The following PPP2R2A variants were observed in gnomAD, a reference collection of about 807,000 sequenced individuals.
PPP2R2A encodes the protein protein phosphatase 2 regulatory subunit Balpha, also known as serine/threonine-protein phosphatase 2A 55 kDa regulatory subunit B alpha isoform.
In PPP2R2A, 9 loss-of-function variants were observed where a neutral mutation model predicts 53.2. The ratio of observed to expected loss-of-function variants is 0.17; its 90% confidence interval spans 0.10 to 0.30. The LOEUF is 0.30. Among genes scored for constraint, PPP2R2A ranks in the 10% least tolerant of loss-of-function variants. The probability of loss-of-function intolerance (pLI) is 1.00; values close to 1 mark genes in which losing one functional copy is unlikely to be tolerated. For synonymous variants in PPP2R2A, 169 were observed against 174.2 expected, an observed-to-expected ratio of 0.97 and a Z score of 0.23; for missense variants, 235 against 534.6, an observed-to-expected ratio of 0.44 and a Z score of 5.53.
rs987816829 is a variant in PPP2R2A at position 26,292,135 on chromosome 8, C to A, written c.7+309C>A. ...GGTGCGTGCAGATTTGTCCCTCCCG[C>A]TCGGGAGCCTGGTGGATCTTCTCCC... is the stretch of plus-strand genomic sequence containing the variant. On this transcript the variant is annotated intron_variant, in intron 1 of 9. Transcript: ENST00000380737. 5 of 1,216,564 alleles carry A rather than the reference C, an allele frequency of 4.1e-6. 1 individual carries two copies. The allele number at this position is 1,216,564 out of a possible 1,614,324, so 75.4% of individuals were successfully genotyped here.
chr8:26,299,998 T>G (rs1428247816), intron 2 of PPP2R2A, among the ~76,000 whole-genome samples: 1 of 152,228 alleles, frequency 6.6e-6, no homozygotes, highest in Non-Finnish European at 1.5e-5. Flanking sequence ...TAGACCTCAC[T>G]CAGTACAGTC....
chr8:26,298,019 G>GA (rs375981539), intron 2 of PPP2R2A, among the ~76,000 whole-genome samples: 1 of 152,056 alleles, frequency 6.6e-6, no homozygotes, highest in Admixed American at 6.6e-5. Flanking sequence ...GAAGTAAAAG[G>GA]AAAAAAACAT....
chr8:26,368,108 A>G (rs1391182740), intron 9 of PPP2R2A, among the ~76,000 whole-genome samples: 3 of 152,244 alleles, frequency 2.0e-5, no homozygotes, highest in Admixed American at 1.3e-4. Flanking sequence ...GTCCTAATAC[A>G]TTAAAACCAC....
chr8:26,332,352 C>G (rs115133461), intron 2 of PPP2R2A, among the ~76,000 whole-genome samples: 2,350 of 135,212 alleles, frequency 0.017, 60 homozygotes, highest in African/African-American at 0.064. Context: ...CAGAGCAAGA[C>G]TCTTTTGTCT....
chr8:26,356,384 G>C (rs75646882), intron 4 of PPP2R2A, among the ~76,000 whole-genome samples: 1 of 152,084 alleles, frequency 6.6e-6, no homozygotes, highest in African/African-American at 2.4e-5. Flanking sequence ...ATTGAGATGC[G>C]TACCCTCTGC....
rs557889660 is a variant in PPP2R2A, at chr8:26,304,515, A to G, written c.82+10775A>G. On this transcript the variant is annotated intron_variant, in intron 2 of 9. Coordinates refer to ENST00000380737, the MANE Select transcript of PPP2R2A (RefSeq NM_002717.4). ...AGATCTGGAGCAGTGTTACTTTTCA[A>G]ACCTGCCATTGCAGGCTCATTGTAG... 3.7e-4 allele frequency among the ~76,000 whole-genome samples: 56 copies of G among 152,330 alleles called. 1 individual carries two copies. Among genetic ancestry groups the G allele is most frequent in the Middle Eastern group, 3.4e-3 (1 of 294 alleles).
chr8:26,301,485 A>C (rs563019960), intron 2 of PPP2R2A, among the ~76,000 whole-genome samples: 10 of 151,942 alleles, frequency 6.6e-5, no homozygotes, highest in African/African-American at 2.4e-4. Context: ...GGCACAGGCC[A>C]CCACGCCCGG....
Position 26,354,725 on chromosome 8 carries a change from C to T in PPP2R2A, c.346+92C>T, listed in dbSNP as rs947795387. On this transcript the variant is annotated intron_variant, in intron 4 of 9. Transcript: ENST00000380737. The surrounding 1 kb of genome is among the most constrained non-coding windows in gnomAD (Gnocchi z 4.6). ...GGAGAGGAATCATTTAACAGAGATA[C>T]TTGTAAAAAGGACTTTTGTTTTTCT... 3 of 1,195,632 alleles carry T rather than the reference C, an allele frequency of 2.5e-6. No individual in the cohort carries two copies. In the East Asian group the frequency reaches 8.3e-5, roughly 33 times the overall value. The allele number at this position is 1,195,632 out of a possible 1,614,324, so 74.1% of individuals were successfully genotyped here.
chr8:26,324,092 T>G (rs1038889373), intron 2 of PPP2R2A, among the ~76,000 whole-genome samples: 1 of 152,216 alleles, frequency 6.6e-6, no homozygotes, highest in Non-Finnish European at 1.5e-5. Context: ...CTTGTTTGCA[T>G]CAAGTTTGCC....
chr8:26,322,709 A>T (rs1056864161), intron 2 of PPP2R2A, among the ~76,000 whole-genome samples: 2 of 152,200 alleles, frequency 1.3e-5, no homozygotes, highest in African/African-American at 4.8e-5. Flanking sequence ...CAAAACTTAC[A>T]TATAAAAGTA....
At position 26,338,762 on chromosome 8, in the gene PPP2R2A, G is replaced by C; in HGVS notation, c.83-128G>C. On this transcript the variant is annotated intron_variant, in intron 2 of 9. Coordinates refer to ENST00000380737, the MANE Select transcript of PPP2R2A (RefSeq NM_002717.4). The surrounding 1 kb of genome is among the most constrained non-coding windows in gnomAD (Gnocchi z 4.5). ...CTTTAGATTCATGTTATTTCTGATG[G>C]GTGGTTGATGTACTTCAAAGATATA... The C allele has an allele frequency of 2.0e-6, 1 of 503,166 alleles. No individual in the cohort carries two copies. The highest frequency in any genetic ancestry group is 3.5e-6 in the Non-Finnish European group (1 of 282,646). The allele number at this position is 503,166 out of a possible 1,614,324, so 31.2% of individuals were successfully genotyped here. A position where few individuals can be genotyped will look rare whatever the true frequency, so the allele number is the denominator to read the frequency against.
At chr8:26,336,926 T>G (rs995760652) in intron 2 of PPP2R2A, among the ~76,000 whole-genome samples, 3 of 152,088 alleles carry the variant, frequency 2.0e-5, no homozygotes, top group Non-Finnish European at 2.9e-5. Flanking sequence ...TGTCTAACTT[T>G]ACTGCTTAGC....
intron 2 of PPP2R2A, among the ~76,000 whole-genome samples, chr8:26,323,894 T>G (rs1291713939): frequency 2.0e-5 from 3 of 152,206 alleles, no homozygotes; most frequent in Non-Finnish European, 4.4e-5. Context: ...CTCTACTCTC[T>G]TAGGCTACTG....
intron 2 of PPP2R2A, among the ~76,000 whole-genome samples, chr8:26,327,987 A>C (rs772938079): frequency 6.6e-6 from 1 of 152,188 alleles, no homozygotes; most frequent in Non-Finnish European, 1.5e-5. Flanking sequence ...GGTAAAGGTG[A>C]TCTATAGTAC....
chr8:26,292,159 C>T, intron 1 of PPP2R2A: 2 of 1,197,694 alleles, frequency 1.7e-6, no homozygotes, highest in Non-Finnish European at 2.1e-6. Flanking sequence ...GGATCTTCTC[C>T]CACCTCCCCA....
intron 2 of PPP2R2A, among the ~76,000 whole-genome samples, chr8:26,304,139 T>G (rs1462236435): frequency 6.6e-6 from 1 of 152,186 alleles, no homozygotes; most frequent in African/African-American, 2.4e-5. Context: ...TCAAGGATAT[T>G]TGTGTGGTAA....
At chr8:26,320,485 TTA>T (rs1802779635) in intron 2 of PPP2R2A, among the ~76,000 whole-genome samples, 1 of 152,080 alleles carries the variant, frequency 6.6e-6, no homozygotes, top group South Asian at 2.1e-4. Context: ...GGTTTGTGAG[TTA>T]AAATACTGCT....
At chr8:26,343,785 C>T (rs6997944) in intron 3 of PPP2R2A, among the ~76,000 whole-genome samples, 146,664 of 152,330 alleles carry the variant, frequency 0.96, 70,647 homozygotes, top group East Asian at 1. Context: ...AGCTGGATTA[C>T]GATATTAAAA....
intron 2 of PPP2R2A, among the ~76,000 whole-genome samples, chr8:26,322,838 C>T (rs555406625): frequency 1.8e-4 from 28 of 152,146 alleles, no homozygotes; most frequent in Admixed American, 3.3e-4. Context: ...CTCCTTTTGA[C>T]GATAAATAAA....
Sources: allele counts gnomAD v4.1 joint callset (sites outside exome capture counted in the v4.1 genomes callset), GRCh38; gene constraint gnomAD v4.1.1; non-coding constraint Gnocchi (gnomAD v3.1); transcripts MANE v1.5; gene names NCBI Gene and HGNC (gene_info 2026-07-23, HGNC 2026-07-21).